Variants in ABCG2 observed in about 807,000 individuals in gnomAD.
ABCG2 encodes the protein ATP binding cassette subfamily G member 2 (JR blood group), also known as broad substrate specificity ATP-binding cassette transporter ABCG2.
Under a neutral mutation model 73.5 loss-of-function variants are expected in ABCG2, and 80 were observed. The observed-to-expected ratio is 1.09, with a 90% confidence interval of 0.91 to 1.31. The LOEUF (loss-of-function observed/expected upper bound fraction) is 1.31. ABCG2 is among the 50% of genes most tolerant of loss of function. ABCG2 has a pLI of 0.00. For missense variants in ABCG2, 796 were observed against 786.2 expected (o/e 1.01, Z -0.15); for synonymous variants, 269 against 282.4 (o/e 0.95, Z 0.48).
At position 88,090,910 on chromosome 4, in the gene ABCG2, A is replaced by G. The variant is rs1418844626; in HGVS notation, c.*1324T>C. The G allele has an allele frequency of 3.3e-5, 5 of 152,242 alleles. No homozygotes were observed. Among genetic ancestry groups the G allele is most frequent in the African/African-American group, 1.2e-4 (5 of 41,472 alleles). The allele number at this position is 152,242 out of a possible 1,614,324, so 9.4% of individuals were successfully genotyped here. ...TTAAGGGAAGCTGAGCAAAGAGTAG[A>G]CAGGAACTTTCCTCACTATCTTTGC... is the stretch of plus-strand genomic sequence containing the variant. On this transcript the variant is annotated 3_prime_UTR_variant, in exon 16 of 16. Coordinates refer to ENST00000237612, the MANE Select transcript of ABCG2 (RefSeq NM_004827.3).
chr4:88,163,743 G>A (rs1277354137), upstream of ABCG2: 4 of 415,704 alleles, frequency 9.6e-6, no homozygotes, highest in African/African-American at 8.3e-5. Flanking sequence ...TTGCCATGAA[G>A]GAGATGGGAA....
intron 3 of ABCG2, 21 bp downstream of exon 3, chr4:88,132,555 C>T: frequency 1.9e-6 from 3 of 1,613,796 alleles, no homozygotes; most frequent in Non-Finnish European, 2.5e-6. Context: ...AAAACGCTTA[C>T]TTATACTCTC....
chr4:88,137,012 CAATAAAATAAAATAAAATAA>C (rs56033368), intron 2 of ABCG2, among the ~76,000 whole-genome samples: 26 of 123,486 alleles, frequency 2.1e-4, no homozygotes, highest in African/African-American at 5.8e-4. Context: ...ACCTCCATCT[CAATAAAATAAAATAAAATAA>C]AATAAAATAA....
chr4:88,115,790 C>T (rs1723536820), intron 7 of ABCG2, among the ~76,000 whole-genome samples: 1 of 152,020 alleles, frequency 6.6e-6, no homozygotes, highest in South Asian at 2.1e-4. Context: ...TAAATATAGA[C>T]CCAAGAAAAA....
At chr4:88,100,270 G>A (rs141097556) in intron 11 of ABCG2, among the ~76,000 whole-genome samples, 1 of 151,886 alleles carries the variant, frequency 6.6e-6, no homozygotes, top group African/African-American at 2.4e-5. Context: ...GCGGCCAAAG[G>A]GGGTGGATCA....
chr4:88,202,353 T>TACA (rs59941193), intron 1 of ABCG2, among the ~76,000 whole-genome samples: 1 of 66,656 alleles, frequency 1.5e-5, no homozygotes, highest in African/African-American at 4.8e-5. Flanking sequence ...TCTACAATTA[T>TACA]TTATATATAT....
chr4:88,139,701 G>A, intron 2 of ABCG2, 92 bp downstream of exon 2: 4 of 1,053,254 alleles, frequency 3.8e-6, no homozygotes, highest in Non-Finnish European at 4.1e-6. Context: ...GTACAAAAAT[G>A]TTCATAGCCA....
At chr4:88,183,598 C>T (rs1022995975) in intron 1 of ABCG2, among the ~76,000 whole-genome samples, 2 of 152,068 alleles carry the variant, frequency 1.3e-5, no homozygotes, top group East Asian at 1.9e-4. Context: ...AAGAAAAGCT[C>T]AGAACCCAAT....
At chr4:88,128,111 G>C (rs1265594197) in intron 5 of ABCG2, among the ~76,000 whole-genome samples, 1 of 152,122 alleles carries the variant, frequency 6.6e-6, no homozygotes, top group Non-Finnish European at 1.5e-5. Flanking sequence ...ATTGGGCAAA[G>C]GATATGAACA....
Position 88,131,089 on chromosome 4 carries a change from A to G in ABCG2, c.503T>C (p.Leu168Ser). ...GGAGTCTGCCACTTTATCCAGACCT[A>G]ACTCTTGAATGACCCTGTTAATCCG... ...NERINRVIQE[L>S]GLDKVADSKV... The change falls in exon 5 of 16, where the codon TTA becomes TCA. Residue 168 changes from leucine to serine, a missense_variant. By Grantham distance (145) the Leu-to-Ser change is moderately radical. Coordinates refer to ENST00000237612, the MANE Select transcript of ABCG2 (RefSeq NM_004827.3). 1 of 1,614,018 alleles carries G rather than the reference A, an allele frequency of 6.2e-7. No individual in the cohort carries two copies. Among genetic ancestry groups the G allele is most frequent in the African/African-American group, 1.3e-5 (1 of 74,968 alleles).
Position 88,099,463 on chromosome 4 carries a change from T to TCCA in ABCG2, c.1368-16_1368-15insTGG. 6.3e-7 allele frequency: 1 copy of TCCA among 1,587,478 alleles called. No homozygotes were observed. Among genetic ancestry groups the TCCA allele is most frequent in the East Asian group, 2.2e-5 (1 of 44,534 alleles). ...TGTATTCATGTCTATAGAACAAAAATACGTATCATACATCCAAGATTAGTT... is the reference window on the plus strand; with the variant it reads ...TGTATTCATGTCTATAGAACAAAAATCCAACGTATCATACATCCAAGATTAGTT... On this transcript the variant is annotated splice_polypyrimidine_tract_variant and intron_variant, in intron 11 of 15. Transcript: ENST00000237612.
chr4:88,154,972 T>G (rs1029598563), intron 1 of ABCG2, among the ~76,000 whole-genome samples: 66 of 152,250 alleles, frequency 4.3e-4, no homozygotes, highest in African/African-American at 1.3e-3. Flanking sequence ...ACAAAAAGGC[T>G]ACAGGACGCG....
chr4:88,186,361 C>T (rs534468594), intron 1 of ABCG2, among the ~76,000 whole-genome samples: 64 of 152,250 alleles, frequency 4.2e-4, no homozygotes, highest in African/African-American at 1.5e-3. Context: ...AGGGGCCAGG[C>T]GCAGTGGCTT....
rs551466632 is a variant in ABCG2 at position 88,217,030 on chromosome 4, CA to C, written c.-20+13963del. On this transcript the variant is annotated intron_variant, in intron 1 of 15. Transcript: ENST00000515655. Reference sequence around the variant, plus strand: ...TGGGTGACAGAGCAAGACTCCGTCTCAAAAAAAAAAAAAATTTTTTTTTTAC... The same window carrying C: ...TGGGTGACAGAGCAAGACTCCGTCTCAAAAAAAAAAAAATTTTTTTTTTAC... 3.5e-3 allele frequency among the ~76,000 whole-genome samples: 465 copies of C among 134,630 alleles called. 1 individual carries two copies. The highest frequency in any genetic ancestry group is 7.8e-3 in the Middle Eastern group (2 of 256). 88.3% of individuals were successfully genotyped at this position (134,630 alleles called of 152,430 possible).
chr4:88,131,979 G>A lies in ABCG2; in HGVS notation c.264-62C>T. The A allele has an allele frequency of 7.1e-6, 9 of 1,270,860 alleles. No homozygotes were observed. The South Asian group carries it at 1.2e-4, about 17-fold the overall frequency. The allele number at this position is 1,270,860 out of a possible 1,614,324, so 78.7% of individuals were successfully genotyped here. On this transcript the variant is annotated intron_variant, in intron 3 of 15. Coordinates refer to ENST00000237612, the MANE Select transcript of ABCG2 (RefSeq NM_004827.3). ...TATAAGAGAATATATATGTTGTGGG[G>A]TTTTTTTCCCTCCAACACATGCTAT...
intron 1 of ABCG2, among the ~76,000 whole-genome samples, chr4:88,230,314 T>A (rs781311680): frequency 0.73 from 78,923 of 107,928 alleles, 29,609 homozygotes; most frequent in East Asian, 0.96. Flanking sequence ...TATATTTTTT[T>A]TTTTGGCCAC....
intron 1 of ABCG2, among the ~76,000 whole-genome samples, chr4:88,220,113 A>G (rs985439877): frequency 1.3e-5 from 2 of 152,208 alleles, no homozygotes; most frequent in African/African-American, 4.8e-5. Context: ...TTCTCTTAGC[A>G]TAATGTCTTC....
chr4:88,107,532 C>T (rs1722844934), intron 9 of ABCG2, among the ~76,000 whole-genome samples: 3 of 152,150 alleles, frequency 2.0e-5, no homozygotes, highest in Admixed American at 2.0e-4. Flanking sequence ...GGACTTCCTC[C>T]CATTGCACCA....
chr4:88,202,376 A>ATATATATATATG (rs1176057791), intron 1 of ABCG2, among the ~76,000 whole-genome samples: 1 of 128,576 alleles, frequency 7.8e-6, no homozygotes, highest in Admixed American at 8.0e-5. Flanking sequence ...ATATATATAT[A>ATATATATATATG]TGTATATTTT....
Sources: gnomAD v4.1 joint callset for allele counts (sites outside exome capture counted in the v4.1 genomes callset) on GRCh38, gnomAD v4.1.1 for gene constraint, MANE v1.5 for transcripts, NCBI Gene and HGNC (gene_info 2026-07-23, HGNC 2026-07-21) for gene names.